TCF12: variants seen among roughly 807,000 people sequenced by gnomAD.
TCF12 encodes transcription factor 12, also known as DNA-binding protein HTF4.
Under a neutral mutation model 86.0 loss-of-function variants are expected in TCF12, and 45 were observed. The observed-to-expected ratio is 0.52, with a 90% CI of 0.41 to 0.67. The LOEUF (loss-of-function observed/expected upper bound fraction) is 0.67, where lower values mean the gene tolerates loss of function less well. TCF12 is among the 30% of genes least tolerant of loss of function. TCF12 has a pLI of 0.00. For missense variants in TCF12, 881 were observed against 859.9 expected (o/e 1.02, Z -0.31); for synonymous variants, 330 against 299.6 (o/e 1.10, Z -1.05).
At chr15:57,255,553 G>A (rs1178254929) in intron 16 of TCF12, among the ~76,000 whole-genome samples, 1 of 151,968 alleles carries the variant, frequency 6.6e-6, no homozygotes, top group Non-Finnish European at 1.5e-5. Flanking sequence ...CCGTGATCTC[G>A]GCTCACTGCA....
chr15:57,103,444 G>A (rs141199050), intron 5 of TCF12, among the ~76,000 whole-genome samples: 19 of 152,302 alleles, frequency 1.2e-4, no homozygotes, highest in African/African-American at 4.6e-4. Flanking sequence ...GCCAGATGCA[G>A]TGGCACCTGC....
chr15:57,049,171 C>T (rs1282297000), intron 3 of TCF12, among the ~76,000 whole-genome samples: 1 of 152,202 alleles, frequency 6.6e-6, no homozygotes, highest in Admixed American at 6.5e-5. Flanking sequence ...CATCCCAGCT[C>T]CAGAACTTCC....
chr15:57,063,211 G>C lies in TCF12; in HGVS notation c.149-539G>C, dbSNP rs140326192. Among the ~76,000 whole-genome samples the C allele has an allele frequency of 3.2e-3, 481 of 152,272 alleles. 8 individuals are homozygous for C. The highest frequency in any genetic ancestry group is 0.011 in the African/African-American group (458 of 41,558). On this transcript the variant is annotated intron_variant, in intron 3 of 20. Coordinates refer to ENST00000333725, the MANE Select transcript of TCF12 (RefSeq NM_207037.2). ...AAAATTACTAAGGGTGAGTTTTCATGTCATTTTGATTTTATATAACTAATG... is the reference window on the plus strand; with the variant it reads ...AAAATTACTAAGGGTGAGTTTTCATCTCATTTTGATTTTATATAACTAATG...
At chr15:57,102,075 G>A (rs1323976994) in intron 5 of TCF12, among the ~76,000 whole-genome samples, 1 of 151,090 alleles carries the variant, frequency 6.6e-6, no homozygotes, top group East Asian at 1.9e-4. Context: ...TGTTTATGAA[G>A]TAGGCCATAA....
intron 3 of TCF12, among the ~76,000 whole-genome samples, chr15:57,039,205 G>A (rs925916997): frequency 6.6e-6 from 1 of 152,152 alleles, no homozygotes; most frequent in African/African-American, 2.4e-5. Context: ...TAAGGGTTGA[G>A]TGAACACATC....
intron 8 of TCF12, among the ~76,000 whole-genome samples, chr15:57,223,476 T>G (rs141855634): frequency 1.4e-4 from 22 of 152,080 alleles, no homozygotes; most frequent in African/African-American, 5.3e-4. Context: ...AGTAACAATT[T>G]CATGAATACT....
At chr15:57,201,491 ACAT>A (rs568875984) in intron 8 of TCF12, among the ~76,000 whole-genome samples, 84 of 152,216 alleles carry the variant, frequency 5.5e-4, no homozygotes, top group Non-Finnish European at 1.0e-3. Flanking sequence ...TGTTGAGGTC[ACAT>A]CTAAAAGTAC....
intron 3 of TCF12, among the ~76,000 whole-genome samples, chr15:56,937,780 T>A (rs1360147939): frequency 6.6e-6 from 1 of 152,120 alleles, no homozygotes; most frequent in Non-Finnish European, 1.5e-5. Context: ...TGTCAGATGC[T>A]TTTTCCCACA....
At chr15:57,039,871 T>G (rs1703269482) in intron 3 of TCF12, among the ~76,000 whole-genome samples, 1 of 152,204 alleles carries the variant, frequency 6.6e-6, no homozygotes, top group Non-Finnish European at 1.5e-5. Flanking sequence ...CACAGCTCTT[T>G]GAGATTGTCA....
At chr15:57,216,412 TG>T (rs1463832113) in intron 8 of TCF12, among the ~76,000 whole-genome samples, 1 of 152,008 alleles carries the variant, frequency 6.6e-6, no homozygotes, top group Admixed American at 6.6e-5. Context: ...TGTAGCGTTG[TG>T]GGTGGAAACA....
chr15:57,085,796 C>T (rs2048584572), intron 4 of TCF12, among the ~76,000 whole-genome samples: 2 of 152,136 alleles, frequency 1.3e-5, no homozygotes, highest in African/African-American at 4.8e-5. Context: ...ATCCAGGCCT[C>T]ATCCAGAACT....
intron 16 of TCF12, among the ~76,000 whole-genome samples, chr15:57,259,148 T>C (rs1223368215): frequency 2.0e-5 from 3 of 152,158 alleles, no homozygotes; most frequent in Admixed American, 6.5e-5. Flanking sequence ...CATTTTAAAA[T>C]ATAAAATTGT....
intron 5 of TCF12, among the ~76,000 whole-genome samples, chr15:57,126,985 T>TTC (rs2051703810): frequency 1.7e-5 from 1 of 58,718 alleles, no homozygotes; most frequent in Non-Finnish European, 7.1e-5. Context: ...TTTTCTTTTC[T>TTC]TTTTTTTTTT....
chr15:57,042,561 G>A (rs1243312177), intron 3 of TCF12, among the ~76,000 whole-genome samples: 3 of 152,076 alleles, frequency 2.0e-5, no homozygotes, highest in Admixed American at 6.6e-5. Flanking sequence ...CTACAGGCAC[G>A]CACCACCATT....
chr15:57,070,031 A>G (rs1371864703), intron 4 of TCF12, among the ~76,000 whole-genome samples: 1 of 151,846 alleles, frequency 6.6e-6, no homozygotes, highest in African/African-American at 2.4e-5. Context: ...TTCTTTTTTC[A>G]TTGATTAAAA....
intron 18 of TCF12, among the ~76,000 whole-genome samples, chr15:57,270,728 G>T (rs549624294): frequency 2.5e-4 from 38 of 152,266 alleles, no homozygotes; most frequent in African/African-American, 9.1e-4. Context: ...TGATGTTGGT[G>T]ACCTACGAAT....
intron 6 of TCF12, among the ~76,000 whole-genome samples, chr15:57,168,930 C>T (rs559300081): frequency 5.3e-5 from 8 of 152,222 alleles, no homozygotes; most frequent in African/African-American, 1.9e-4. Flanking sequence ...CCTGTAATCC[C>T]AGCTACTTGG....
rs1421432786 is a variant in TCF12, at chr15:57,273,111, A to G, written c.1827A>G (p.Arg609=). Residue 609 remains arginine (R), a synonymous_variant, in exon 19 of 21, where the codon AGA becomes AGG. Coordinates refer to ENST00000333725, the MANE Select transcript of TCF12 (RefSeq NM_207037.2). ...EKERRMANNA[R]ERLRVRDINE... ...AGAGGCGGATGGCTAACAATGCCAG[A>G]GAACGCTTACGCGTGCGGGATATTA... 6 of 1,614,130 alleles carry G rather than the reference A, an allele frequency of 3.7e-6. No individual in the cohort carries two copies. In the Admixed American group the frequency reaches 8.3e-5, roughly 22 times the overall value.
At chr15:57,170,274 A>ATT (rs533740607) in intron 6 of TCF12, among the ~76,000 whole-genome samples, 1 of 144,830 alleles carries the variant, frequency 6.9e-6, no homozygotes, top group African/African-American at 2.5e-5. Flanking sequence ...GGAATTAAAA[A>ATT]TTTTTTTTTT....
Sources: gnomAD v4.1 joint callset for allele counts (sites outside exome capture counted in the v4.1 genomes callset) on GRCh38, gnomAD v4.1.1 for gene constraint, MANE v1.5 for transcripts, NCBI Gene and HGNC (gene_info 2026-07-23, HGNC 2026-07-21) for gene names.